ADAMTSL1: variants seen among roughly 807,000 people sequenced by gnomAD.
The protein encoded by ADAMTSL1 is ADAMTS like 1.
ADAMTSL1 carries 126 observed loss-of-function variants against 201.8 expected under a neutral mutation model. The ratio of observed to expected loss-of-function variants is 0.62; its 90% CI spans 0.54 to 0.72. ADAMTSL1 has a LOEUF of 0.72. Ranked by LOEUF, ADAMTSL1 falls within the 30% of genes least tolerant of loss-of-function variation. ADAMTSL1 has a pLI of 0.00. For missense variants in ADAMTSL1, 2,679 were observed against 2,277.8 expected (o/e 1.18, Z -3.59); for synonymous variants, 1,121 against 903.4 (o/e 1.24, Z -4.32).
Position 18,706,769 on chromosome 9 carries a change from G to T in ADAMTSL1, c.1597G>T (p.Ala533Ser). The stretch of plus-strand genomic sequence containing the variant: ...CAGGTTCATCCCAGAGGCCTGGTCG[G>T]CCTGCACAGTCACCTGTGGTGTGGG... The part of the protein sequence containing the change: ...EPSFIPEAWS[A>S]CTVTCGVGTQ... Residue 533 changes from alanine to serine, a missense_variant, in exon 14 of 29, where the codon GCC (alanine) becomes TCC (serine). Transcript: ENST00000380548. 6.2e-7 allele frequency: 1 copy of T among 1,605,992 alleles called. No individual in the cohort carries two copies. The highest frequency in any genetic ancestry group is 8.5e-7 in the Non-Finnish European group (1 of 1,176,160).
chr9:18,497,097 A>G (rs1231653920), intron 1 of ADAMTSL1, among the ~76,000 whole-genome samples: 5 of 152,326 alleles, frequency 3.3e-5, no homozygotes, highest in African/African-American at 4.8e-5. Flanking sequence ...TTTTCTAAGT[A>G]TAGGAAAAAG....
At chr9:17,915,231 C>T (rs1190007598) in intron 1 of ADAMTSL1, among the ~76,000 whole-genome samples, 2 of 152,194 alleles carry the variant, frequency 1.3e-5, no homozygotes, top group African/African-American at 4.8e-5. Context: ...ACCAGACAAA[C>T]ATTACCAATC....
chr9:18,178,347 T>G (rs1828276842), intron 2 of ADAMTSL1, among the ~76,000 whole-genome samples: 1 of 152,156 alleles, frequency 6.6e-6, no homozygotes, highest in Non-Finnish European at 1.5e-5. Context: ...ACCAGGAGAT[T>G]ATATCCTGCA....
At chr9:18,557,696 G>C (rs772582426) in intron 3 of ADAMTSL1, among the ~76,000 whole-genome samples, 1 of 151,952 alleles carries the variant, frequency 6.6e-6, no homozygotes, top group Non-Finnish European at 1.5e-5. Flanking sequence ...TTCTACAAGC[G>C]GTCCATCATG....
At chr9:18,400,514 G>A (rs1194785281) in intron 2 of ADAMTSL1, among the ~76,000 whole-genome samples, 2 of 152,098 alleles carry the variant, frequency 1.3e-5, no homozygotes, top group Non-Finnish European at 2.9e-5. Context: ...GTATTGCTAT[G>A]TTTGTGCCTA....
chr9:18,107,891 G>C (rs1390374832), intron 1 of ADAMTSL1, among the ~76,000 whole-genome samples: 1 of 152,120 alleles, frequency 6.6e-6, no homozygotes. Flanking sequence ...TTGTTCTTCA[G>C]AGCCACCGTG....
At chr9:18,060,836 C>T (rs1822417196) in intron 1 of ADAMTSL1, among the ~76,000 whole-genome samples, 1 of 152,140 alleles carries the variant, frequency 6.6e-6, no homozygotes, top group East Asian at 1.9e-4. Context: ...TATATATACA[C>T]ATTACTTATT....
chr9:18,514,537 C>A (rs906430835), intron 2 of ADAMTSL1, among the ~76,000 whole-genome samples: 1 of 151,748 alleles, frequency 6.6e-6, no homozygotes. Context: ...TCACCGTGTT[C>A]ACCAGGATGG....
chr9:18,838,147 A>G (rs534513503), intron 23 of ADAMTSL1, among the ~76,000 whole-genome samples: 200 of 152,170 alleles, frequency 1.3e-3, no homozygotes, highest in African/African-American at 4.4e-3. Context: ...TCTTACATGG[A>G]TGGTGGCAGG....
chr9:18,591,662 G>A (rs1462522957), intron 4 of ADAMTSL1, among the ~76,000 whole-genome samples: 1 of 152,094 alleles, frequency 6.6e-6, no homozygotes, highest in Non-Finnish European at 1.5e-5. Context: ...AAAAGTTATT[G>A]TGGTTTTGGA....
At chr9:18,680,007 C>T (rs1004413123) in intron 10 of ADAMTSL1, among the ~76,000 whole-genome samples, 1 of 152,148 alleles carries the variant, frequency 6.6e-6, no homozygotes, top group Non-Finnish European at 1.5e-5. Flanking sequence ...GGGAGAAGGA[C>T]AGAACTACAT....
At chr9:18,589,581 A>G (rs1823777694) in intron 4 of ADAMTSL1, among the ~76,000 whole-genome samples, 1 of 152,144 alleles carries the variant, frequency 6.6e-6, no homozygotes, top group Non-Finnish European at 1.5e-5. Flanking sequence ...TCTTTTGACT[A>G]ATTGCTCTGG....
intron 3 of ADAMTSL1, among the ~76,000 whole-genome samples, chr9:18,541,751 C>T (rs769922633): frequency 3.3e-5 from 5 of 152,036 alleles, no homozygotes; most frequent in African/African-American, 9.7e-5. Flanking sequence ...AATATATGTA[C>T]AAACAGAAAA....
intron 2 of ADAMTSL1, among the ~76,000 whole-genome samples, chr9:18,282,528 G>T (rs1832828829): frequency 6.6e-6 from 1 of 152,160 alleles, no homozygotes; most frequent in African/African-American, 2.4e-5. Context: ...TAAAATTTCA[G>T]CTCTTTAAAA....
intron 13 of ADAMTSL1, among the ~76,000 whole-genome samples, chr9:18,693,451 T>C (rs1831359671): frequency 6.6e-6 from 1 of 152,194 alleles, no homozygotes; most frequent in African/African-American, 2.4e-5. Flanking sequence ...ACTCTAACCT[T>C]TTCCTGCTGT....
In ADAMTSL1 at chr9:18,777,487, C is replaced by T. The variant is rs535509641; in HGVS notation, c.3258C>T (p.Ser1086=). The T allele has an allele frequency of 1.3e-5, 21 of 1,594,146 alleles. No homozygotes were observed. The Admixed American group carries it at 3.0e-4, about 23-fold the overall frequency. ...TGGACGACATCCTGGGGAACCTCTC[C>T]CAGCAGCCCGAGGAGCTGCGCGACC... ...RRLDDILGNL[S]QQPEELRDLY... Residue 1086 remains serine, a synonymous_variant, in exon 19 of 29, where the codon TCC becomes TCT. Coordinates refer to ENST00000380548, the MANE Select transcript of ADAMTSL1 (RefSeq NM_001040272.6).
intron 1 of ADAMTSL1, among the ~76,000 whole-genome samples, chr9:18,097,180 A>G (rs1310710971): frequency 6.6e-6 from 1 of 152,192 alleles, no homozygotes; most frequent in African/African-American, 2.4e-5. Flanking sequence ...GCATGGAATC[A>G]TGTGGTGTGT....
intron 2 of ADAMTSL1, among the ~76,000 whole-genome samples, chr9:18,292,924 C>T (rs192619569): frequency 7.2e-4 from 109 of 152,292 alleles, no homozygotes; most frequent in Non-Finnish European, 1.4e-3. Flanking sequence ...TTCATATATA[C>T]ATATATCCTA....
At chr9:18,838,072 T>G (rs947406211) in intron 23 of ADAMTSL1, among the ~76,000 whole-genome samples, 1 of 152,044 alleles carries the variant, frequency 6.6e-6, no homozygotes, top group African/African-American at 2.4e-5. Context: ...TTTAATGGAC[T>G]TACAGTTCCA....
Sources: allele counts gnomAD v4.1 joint callset (sites outside exome capture counted in the v4.1 genomes callset), GRCh38; gene constraint gnomAD v4.1.1; transcripts MANE v1.5; gene names NCBI Gene and HGNC (gene_info 2026-07-23, HGNC 2026-07-21).